The following GPR20 variants were observed in gnomAD, a reference collection of about 807,000 sequenced individuals.
The protein encoded by GPR20 is CTD-3064M3.3.
For synonymous variants in GPR20, 241 were observed against 241.9 expected, an observed-to-expected ratio of 1.00 and a Z score of 0.04; for missense variants, 494 against 527.4, an observed-to-expected ratio of 0.94 and a Z score of 0.62.
In GPR20 at chr8:141,357,682, C is replaced by T. The variant is rs144709518; in HGVS notation, c.242G>A (p.Arg81His). 2.7e-5 allele frequency: 44 copies of T among 1,613,378 alleles called. No homozygotes were observed. The highest frequency in any genetic ancestry group is 6.7e-5 in the African/African-American group (5 of 74,940). Residue 81 changes from arginine to histidine, a missense_variant, in exon 2 of 2, where the codon CGC (arginine) becomes CAC (histidine). Transcript: ENST00000377741. ...NGLALYVFCC[R>H]TRAKTPSVIY... Reference sequence around the variant, plus strand: ...GACTGAGGGTGTCTTGGCCCGGGTGCGGCAGCAGAAGACGTACAGCGCCAG... The same window carrying T: ...GACTGAGGGTGTCTTGGCCCGGGTGTGGCAGCAGAAGACGTACAGCGCCAG...
chr8:141,362,085 G>T (rs1831742793), intron 1 of GPR20, among the ~76,000 whole-genome samples: 1 of 152,220 alleles, frequency 6.6e-6, no homozygotes, highest in African/African-American at 2.4e-5. Context: ...GGCTGGGGAT[G>T]TGCCTCTCCA....
In GPR20 at chr8:141,357,513, G is replaced by A; in HGVS notation, c.411C>T (p.Ser137=). ...CGCAGATGCAGGTGAGGAAGAGGAT[G>A]GAGCAGTGCATGTTGAGGAAGTAAC... The part of the protein sequence containing the change: ...VLGYFLNMHC[S]ILFLTCICVD... The change falls in exon 2 of 2, where the codon TCC becomes TCT. Residue 137 remains serine (S), a synonymous_variant. Transcript: ENST00000377741. 4 of 1,613,578 alleles carry A rather than the reference G, an allele frequency of 2.5e-6. No homozygotes were observed. Among genetic ancestry groups the A allele is most frequent in the Non-Finnish European group, 3.4e-6 (4 of 1,179,986 alleles).
chr8:141,366,360 A>T (rs1831813509), intron 1 of GPR20, among the ~76,000 whole-genome samples: 1 of 152,186 alleles, frequency 6.6e-6, no homozygotes, highest in Non-Finnish European at 1.5e-5. Flanking sequence ...GGACAGGCCC[A>T]GCCTCCTGCG....
At position 141,356,609 on chromosome 8, in the gene GPR20, G is replaced by A. The variant is rs1045901717; in HGVS notation, c.*238C>T. ...CTACCCCTGTGAGTTTTCAGTGGAC[G>A]TGCTATACCCCAGGAACAGCAAATC... On this transcript the variant is annotated 3_prime_UTR_variant, in exon 2 of 2. Coordinates refer to ENST00000377741, the MANE Select transcript of GPR20 (RefSeq NM_005293.3). 5.5e-5 allele frequency: 25 copies of A among 451,260 alleles called. No homozygotes were observed. The highest frequency in any genetic ancestry group is 4.4e-4 in the African/African-American group (22 of 49,874). The allele number at this position is 451,260 out of a possible 1,614,324, so 28.0% of individuals were successfully genotyped here.
rs922697343 is a variant in GPR20 at position 141,356,721 on chromosome 8, C to A, written c.*126G>T. 3.1e-6 allele frequency: 2 copies of A among 647,706 alleles called. No individual in the cohort carries two copies. The highest frequency in any genetic ancestry group is 2.0e-5 in the South Asian group (1 of 50,576). 40.1% of individuals were successfully genotyped at this position (647,706 alleles called of 1,614,324 possible). ...GCACAGTGGCCTTAGACGCTCAATG[C>A]GGTGCTCTGGGTAGCCATCACCAAT... On this transcript the variant is annotated 3_prime_UTR_variant, in exon 2 of 2. Coordinates refer to ENST00000377741, the MANE Select transcript of GPR20 (RefSeq NM_005293.3).
At chr8:141,366,674 G>T (rs1831818161) in intron 1 of GPR20, among the ~76,000 whole-genome samples, 1 of 152,186 alleles carries the variant, frequency 6.6e-6, no homozygotes, top group Non-Finnish European at 1.5e-5. Flanking sequence ...GAGGGAGCAT[G>T]GCGCTTGGAG....
intron 1 of GPR20, among the ~76,000 whole-genome samples, chr8:141,359,396 G>T (rs118168381): frequency 6.6e-6 from 1 of 152,226 alleles, no homozygotes; most frequent in South Asian, 2.1e-4. Context: ...GAGTCAGAGA[G>T]GTCAGTGCCT....
chr8:141,357,366 C>T lies in GPR20; in HGVS notation c.558G>A (p.Leu186=), dbSNP rs1563704991. 1 of 1,562,436 alleles carries T rather than the reference C, an allele frequency of 6.4e-7. No homozygotes were observed. The highest frequency in any genetic ancestry group is 8.6e-7 in the Non-Finnish European group (1 of 1,158,186). The change falls in exon 2 of 2, where the codon CTG becomes CTA. Residue 186 remains leucine (L), a synonymous_variant. Transcript: ENST00000377741. ...LAAGAVTLSV[L]GVTGSRPCCR... ...AGCAGGGCCGGCTGCCTGTCACGCC[C>T]AGCACCGACAGGGTGACGGCACCGG...
intron 1 of GPR20, among the ~76,000 whole-genome samples, chr8:141,363,317 T>C (rs1481508897): frequency 6.6e-6 from 1 of 152,262 alleles, no homozygotes; most frequent in Non-Finnish European, 1.5e-5. Flanking sequence ...GATGGGGCCC[T>C]GTGTGGACCA....
Position 141,357,492 on chromosome 8 carries a change from G to C in GPR20, c.432C>G (p.Ile144Met). The change falls in exon 2 of 2, where the codon ATC (isoleucine) becomes ATG (methionine). Residue 144 changes from isoleucine (I) to methionine (M), a missense_variant. Ile to Met is a conservative substitution (Grantham distance 10). Transcript: ENST00000377741. Reference protein sequence around the residue: ...MHCSILFLTCICVDRYLAIVR... With the variant: ...MHCSILFLTCMCVDRYLAIVR... Reference sequence around the variant, plus strand: ...CGATGGCCAGGTAGCGGTCCACGCAGATGCAGGTGAGGAAGAGGATGGAGC... The same window carrying C: ...CGATGGCCAGGTAGCGGTCCACGCACATGCAGGTGAGGAAGAGGATGGAGC... 6.2e-7 allele frequency: 1 copy of C among 1,613,222 alleles called. No individual in the cohort carries two copies. The highest frequency in any genetic ancestry group is 8.5e-7 in the Non-Finnish European group (1 of 1,179,922).
chr8:141,360,167 C>T (rs1383970941), intron 1 of GPR20, among the ~76,000 whole-genome samples: 2 of 152,184 alleles, frequency 1.3e-5, no homozygotes, highest in South Asian at 2.1e-4. Flanking sequence ...ATGTGCTGGA[C>T]ACCCCAGAGG....
intron 1 of GPR20, among the ~76,000 whole-genome samples, chr8:141,365,092 C>T (rs1348366847): frequency 3.9e-5 from 6 of 152,244 alleles, no homozygotes. Context: ...TGCTGTTTCT[C>T]TCCCTGTGCC....
chr8:141,362,672 C>T (rs557699447), intron 1 of GPR20, among the ~76,000 whole-genome samples: 195 of 152,282 alleles, frequency 1.3e-3, no homozygotes, highest in Admixed American at 2.4e-3. Flanking sequence ...TCCTCCCAGC[C>T]GAGCAAGGCT....
intron 1 of GPR20, among the ~76,000 whole-genome samples, chr8:141,361,811 ATC>A (rs1303692048): frequency 7.0e-6 from 1 of 141,990 alleles, no homozygotes; most frequent in East Asian, 2.5e-4. Flanking sequence ...GTGCTGCGGC[ATC>A]TCTTTCTTTT....
chr8:141,363,914 C>A (rs952252953), intron 1 of GPR20, among the ~76,000 whole-genome samples: 3 of 152,244 alleles, frequency 2.0e-5, no homozygotes, highest in Non-Finnish European at 4.4e-5. Flanking sequence ...TGTCTGTGGA[C>A]GTGTGGAGGA....
intron 1 of GPR20, among the ~76,000 whole-genome samples, chr8:141,361,210 C>T (rs1217233292): frequency 6.6e-6 from 1 of 152,148 alleles, no homozygotes; most frequent in East Asian, 1.9e-4. Flanking sequence ...TTCCACTGGC[C>T]CAGGCCAGCT....
At chr8:141,365,776 G>A (rs1831805719) in intron 1 of GPR20, among the ~76,000 whole-genome samples, 1 of 152,126 alleles carries the variant, frequency 6.6e-6, no homozygotes, top group South Asian at 2.1e-4. Context: ...GTATGGTGAG[G>A]GGATCAACTT....
At position 141,362,516 on chromosome 8, in the gene GPR20, G is replaced by A. The variant is rs1266794921; in HGVS notation, c.-24-4569C>T. On this transcript the variant is annotated intron_variant, in intron 1 of 1. Transcript: ENST00000377741. ...AACGCCCTGAGCAAGCCTCATCAGG[G>A]CTGGCAAGGTGTGGCCTGGTTTCTC... Among the ~76,000 whole-genome samples, 6 of 152,334 alleles carry A rather than the reference G, an allele frequency of 3.9e-5. No homozygotes were observed. The East Asian group carries it at 1.2e-3, about 29-fold the overall frequency.
At chr8:141,359,458 C>A (rs765898943) in intron 1 of GPR20, among the ~76,000 whole-genome samples, 4 of 152,206 alleles carry the variant, frequency 2.6e-5, no homozygotes. Context: ...GCCCTGGGTG[C>A]GTGCTACCCT....
Sources: allele counts gnomAD v4.1 joint callset (sites outside exome capture counted in the v4.1 genomes callset), GRCh38; gene constraint gnomAD v4.1.1; transcripts MANE v1.5; gene names NCBI Gene and HGNC (gene_info 2026-07-23, HGNC 2026-07-21).